CPNE4: variants seen among roughly 807,000 people sequenced by gnomAD.
CPNE4 encodes copine 4.
A neutral mutation model predicts 67.9 loss-of-function variants in CPNE4; 25 were observed. That is an observed-to-expected ratio of 0.37 (90% confidence interval 0.27 to 0.51). The LOEUF is 0.51. Ranked by LOEUF, CPNE4 falls within the 20% of genes least tolerant of loss-of-function variation. CPNE4 has a pLI of 0.93. For synonymous variants in CPNE4, 242 were observed against 244.9 expected (o/e 0.99, Z 0.11); for missense variants, 464 against 690.8 (o/e 0.67, Z 3.68).
intron 7 of CPNE4, among the ~76,000 whole-genome samples, chr3:131,657,182 G>T (rs948733383): frequency 6.6e-6 from 1 of 152,154 alleles, no homozygotes; most frequent in Non-Finnish European, 1.5e-5. Context: ...ACTTGTATAT[G>T]ATGCAATGAT....
In CPNE4 at chr3:131,958,609, C is replaced by CTTTTTTTTTTTTTTTTTTTTTTTTT; in HGVS notation, c.-1-53190_-1-53166dup. ...CAATTGATACACCTTTCTTTCTTTT[C>CTTTTTTTTTTTTTTTTTTTTTTTTT]TTTTTTTTTTTTTTTTTTTTTTTTT... On this transcript the variant is annotated intron_variant, in intron 1 of 15. Coordinates refer to ENST00000429747, the MANE Select transcript of CPNE4 (RefSeq NM_130808.3). Among the ~76,000 whole-genome samples the CTTTTTTTTTTTTTTTTTTTTTTTTT allele has an allele frequency of 2.1e-5, 2 of 96,032 alleles. 1 individual carries two copies. The highest frequency in any genetic ancestry group is 3.9e-5 in the Non-Finnish European group (2 of 50,940). The allele number at this position is 96,032 out of a possible 152,430, so 63.0% of individuals were successfully genotyped here. A position where few individuals can be genotyped will look rare whatever the true frequency, so the allele number is the denominator to read the frequency against.
intron 3 of CPNE4, among the ~76,000 whole-genome samples, chr3:131,706,931 C>T (rs2081428091): frequency 6.6e-6 from 1 of 152,142 alleles, no homozygotes; most frequent in South Asian, 2.1e-4. Flanking sequence ...CAGACTGAAC[C>T]GATGTATATC....
Position 131,877,182 on chromosome 3 carries a change from G to A in CPNE4, c.180+28082C>T, listed in dbSNP as rs539445732. Among the ~76,000 whole-genome samples, 4 of 152,098 alleles carry A rather than the reference G, an allele frequency of 2.6e-5. No individual in the cohort carries two copies. The South Asian group carries it at 8.3e-4, about 32-fold the overall frequency. On this transcript the variant is annotated intron_variant, in intron 2 of 15. Coordinates refer to ENST00000429747, the MANE Select transcript of CPNE4 (RefSeq NM_130808.3). ...CAGAAATCAACTGAGCAGTGTTGTA[G>A]GGACAAAATTTTGTCCTTTAAAAAA... is the stretch of plus-strand genomic sequence containing the variant.
At chr3:131,713,032 G>A (rs2081596912) in intron 3 of CPNE4, among the ~76,000 whole-genome samples, 3 of 152,172 alleles carry the variant, frequency 2.0e-5, no homozygotes, top group Admixed American at 2.0e-4. Context: ...GGATGAGTAG[G>A]TAGGCCCAGG....
chr3:131,817,064 T>C (rs1304159987), intron 2 of CPNE4, among the ~76,000 whole-genome samples: 2 of 152,206 alleles, frequency 1.3e-5, no homozygotes, highest in Admixed American at 6.5e-5. Flanking sequence ...ATTTGCCTAA[T>C]GTGGGCGTAA....
intron 3 of CPNE4, among the ~76,000 whole-genome samples, chr3:131,710,860 G>T (rs1324019070): frequency 6.6e-6 from 1 of 152,088 alleles, no homozygotes; most frequent in Non-Finnish European, 1.5e-5. Context: ...TAAAGGTAAG[G>T]GAAAAGTAGC....
chr3:131,922,626 A>G (rs2070772232), intron 1 of CPNE4, among the ~76,000 whole-genome samples: 1 of 152,210 alleles, frequency 6.6e-6, no homozygotes, highest in Admixed American at 6.5e-5. Flanking sequence ...GGTGCTACAT[A>G]ACATATGGTT....
At chr3:131,937,321 C>T (rs143250056) in intron 1 of CPNE4, among the ~76,000 whole-genome samples, 12 of 152,252 alleles carry the variant, frequency 7.9e-5, no homozygotes, top group Admixed American at 2.0e-4. Flanking sequence ...GACTTGCATC[C>T]GATTTTTCTA....
chr3:131,718,280 C>T (rs531216910), intron 3 of CPNE4, among the ~76,000 whole-genome samples: 9 of 152,126 alleles, frequency 5.9e-5, no homozygotes, highest in Non-Finnish European at 1.0e-4. Flanking sequence ...CCACTGCACC[C>T]GGCCAAAGTG....
chr3:131,855,193 T>G (rs181590878), intron 2 of CPNE4, among the ~76,000 whole-genome samples: 23 of 152,082 alleles, frequency 1.5e-4, no homozygotes, highest in Admixed American at 1.4e-3. Flanking sequence ...TTGTTAGGTC[T>G]CTCTCCTTTG....
At chr3:132,023,348 T>G (rs999431265) in intron 1 of CPNE4, among the ~76,000 whole-genome samples, 2 of 152,194 alleles carry the variant, frequency 1.3e-5, no homozygotes, top group African/African-American at 4.8e-5. Context: ...ATCTTCACCT[T>G]CAGCTACATC....
At chr3:131,809,342 T>C (rs1583239809) in intron 2 of CPNE4, among the ~76,000 whole-genome samples, 1 of 152,058 alleles carries the variant, frequency 6.6e-6, no homozygotes, top group East Asian at 1.9e-4. Context: ...AGATGAATTC[T>C]CCCTTAGATC....
chr3:131,763,366 T>C (rs1320290579), intron 2 of CPNE4, among the ~76,000 whole-genome samples: 1 of 152,170 alleles, frequency 6.6e-6, no homozygotes, highest in African/African-American at 2.4e-5. Context: ...ATTGTGTACT[T>C]ATAATAACTT....
chr3:131,677,057 T>G (rs1196412856), intron 6 of CPNE4, among the ~76,000 whole-genome samples: 3 of 151,962 alleles, frequency 2.0e-5, no homozygotes, highest in Non-Finnish European at 4.4e-5. Context: ...TTTTTTTACT[T>G]TTTATAGTAG....
At chr3:131,618,340 A>T (rs1461907333) in intron 7 of CPNE4, among the ~76,000 whole-genome samples, 1 of 152,172 alleles carries the variant, frequency 6.6e-6, no homozygotes, top group African/African-American at 2.4e-5. Context: ...TTGTAGAAAG[A>T]CTCAATCAAG....
intron 1 of CPNE4, among the ~76,000 whole-genome samples, chr3:131,951,243 T>C (rs1207726450): frequency 2.0e-5 from 3 of 152,238 alleles, no homozygotes; most frequent in Non-Finnish European, 4.4e-5. Context: ...CTAGTTATTA[T>C]AAAGATTGTG....
At chr3:131,563,054 T>C (rs1936865156) in intron 11 of CPNE4, among the ~76,000 whole-genome samples, 1 of 151,998 alleles carries the variant, frequency 6.6e-6, no homozygotes, top group Non-Finnish European at 1.5e-5. Context: ...AGGCAGGAGA[T>C]TGACTGCACC....
rs551793783 is a variant in CPNE4 at position 131,688,083 on chromosome 3, G to A, written c.508-2125C>T. Among the ~76,000 whole-genome samples, 16 of 152,306 alleles carry A rather than the reference G, an allele frequency of 1.1e-4. No homozygotes were observed. The South Asian group carries it at 3.1e-3, about 30-fold the overall frequency. On this transcript the variant is annotated intron_variant, in intron 5 of 15. Transcript: ENST00000429747. ...TGGAGAGGCAGGGGGAATCATTGAAGGATTTTGAGCAGAAAAGTAATATAG... is the reference window on the plus strand; with the variant it reads ...TGGAGAGGCAGGGGGAATCATTGAAAGATTTTGAGCAGAAAAGTAATATAG...
At chr3:131,829,191 A>G (rs1192578806) in intron 2 of CPNE4, among the ~76,000 whole-genome samples, 4 of 152,208 alleles carry the variant, frequency 2.6e-5, no homozygotes, top group Non-Finnish European at 5.9e-5. Flanking sequence ...ATCACCTCCC[A>G]TCGAGTTCCT....
Sources: gnomAD v4.1 joint callset for allele counts (sites outside exome capture counted in the v4.1 genomes callset) on GRCh38, gnomAD v4.1.1 for gene constraint, MANE v1.5 for transcripts, NCBI Gene and HGNC (gene_info 2026-07-23, HGNC 2026-07-21) for gene names.